VAPB: variants seen among roughly 807,000 people sequenced by gnomAD.
The protein encoded by VAPB is vesicle-associated membrane protein-associated protein B/C.
Under a neutral mutation model 25.6 loss-of-function variants are expected in VAPB, and 7 were observed. That is an observed-to-expected ratio of 0.27 (90% confidence interval 0.16 to 0.51). The LOEUF is 0.51. Ranked by LOEUF, VAPB falls within the 20% of genes least tolerant of loss-of-function variation. The probability of loss-of-function intolerance (pLI) is 0.97; values close to 1 mark genes in which losing one functional copy is unlikely to be tolerated. For missense variants in VAPB, 266 were observed against 301.3 expected (o/e 0.88, Z 0.87); for synonymous variants, 112 against 109.2 (o/e 1.03, Z -0.16).
chr20:58,425,246 G>C (rs953333532), intron 2 of VAPB, among the ~76,000 whole-genome samples: 2 of 152,204 alleles, frequency 1.3e-5, no homozygotes, highest in Non-Finnish European at 2.9e-5. Flanking sequence ...CGGGGAGTGC[G>C]AGACTGAGGG....
chr20:58,404,967 C>T (rs73296813), intron 1 of VAPB, among the ~76,000 whole-genome samples: 15,498 of 151,826 alleles, frequency 0.1, 959 homozygotes, highest in East Asian at 0.26. Flanking sequence ...AAACTTTTAC[C>T]TTGTGGAGCT....
intron 2 of VAPB, among the ~76,000 whole-genome samples, chr20:58,433,416 G>T (rs1988968815): frequency 6.6e-6 from 1 of 152,242 alleles, no homozygotes; most frequent in African/African-American, 2.4e-5. Context: ...GAAGTCCTAA[G>T]TTGGGGTTTC....
rs779899415 is a variant in VAPB, at chr20:58,449,479, T to C, written c.*5244T>C. On this transcript the variant is annotated 3_prime_UTR_variant, in exon 6 of 6. Transcript: ENST00000475243. ...TTAATGGAATTAGTTTATTAGAAAATGTCTGTGTTAAATCCGTAGAAAAGG... is the reference window on the plus strand; with the variant it reads ...TTAATGGAATTAGTTTATTAGAAAACGTCTGTGTTAAATCCGTAGAAAAGG... 1 of 451,076 alleles carries C rather than the reference T, an allele frequency of 2.2e-6. No homozygotes were observed. Among genetic ancestry groups the C allele is most frequent in the South Asian group, 1.6e-5 (1 of 63,372 alleles). The allele number at this position is 451,076 out of a possible 1,614,324, so 27.9% of individuals were successfully genotyped here. A position where few individuals can be genotyped will look rare whatever the true frequency, so the allele number is the denominator to read the frequency against.
At chr20:58,426,198 G>T (rs921091948) in intron 2 of VAPB, among the ~76,000 whole-genome samples, 1 of 152,042 alleles carries the variant, frequency 6.6e-6, no homozygotes, top group African/African-American at 2.4e-5. Context: ...ACCTGGCCTT[G>T]TTTGTTTAGT....
At chr20:58,400,953 C>T (rs1988082380) in intron 1 of VAPB, among the ~76,000 whole-genome samples, 1 of 152,160 alleles carries the variant, frequency 6.6e-6, no homozygotes, top group African/African-American at 2.4e-5. Flanking sequence ...TGAAGGAGAG[C>T]CATGGCTTAC....
intron 1 of VAPB, among the ~76,000 whole-genome samples, chr20:58,395,078 C>T (rs191623833): frequency 1.4e-4 from 21 of 151,374 alleles, no homozygotes; most frequent in African/African-American, 4.1e-4. Context: ...GGTTATCACT[C>T]AAATACTACC....
At position 58,389,267 on chromosome 20, in the gene VAPB, C is replaced by A. The variant is rs1005102864; in HGVS notation, c.-193C>A. On this transcript the variant is annotated 5_prime_UTR_variant, in exon 1 of 6. Transcript: ENST00000475243. ...TCGCCGGGCACCGCGGCCTCGCCCTCGCCCTCCGCCCCTGCGCCTGCACCG... is the reference window on the plus strand; with the variant it reads ...TCGCCGGGCACCGCGGCCTCGCCCTAGCCCTCCGCCCCTGCGCCTGCACCG... 2.9e-6 allele frequency: 2 copies of A among 687,230 alleles called. No homozygotes were observed. The highest frequency in any genetic ancestry group is 7.5e-4 in the Middle Eastern group (2 of 2,662). 42.6% of individuals were successfully genotyped at this position (687,230 alleles called of 1,614,324 possible). A position where few individuals can be genotyped will look rare whatever the true frequency, so the allele number is the denominator to read the frequency against.
chr20:58,418,457 AGAT>A, intron 2 of VAPB, 94 bp downstream of exon 2: 5 of 1,494,858 alleles, frequency 3.3e-6, no homozygotes, highest in Non-Finnish European at 4.5e-6. Context: ...TAGCAGAAGA[AGAT>A]GATAGAATTC....
At chr20:58,393,016 G>A (rs1987846744) in intron 1 of VAPB, among the ~76,000 whole-genome samples, 2 of 152,146 alleles carry the variant, frequency 1.3e-5, no homozygotes, top group African/African-American at 4.8e-5. Context: ...TTTCAGACTA[G>A]GGGTATCTTT....
chr20:58,405,672 TAA>T (rs1199945613), intron 1 of VAPB, among the ~76,000 whole-genome samples: 1 of 145,882 alleles, frequency 6.9e-6, no homozygotes, highest in African/African-American at 2.5e-5. Flanking sequence ...CTTGAACTCC[TAA>T]ACTCCTGAGC....
At position 58,446,271 on chromosome 20, in the gene VAPB, C is replaced by T. The variant is rs1415439677; in HGVS notation, c.*2036C>T. ...CGAGCTGTAAGGCATGTGCCTTCTG[C>T]CACCTGACTTTCCGTGAGGGGACTA... On this transcript the variant is annotated 3_prime_UTR_variant, in exon 6 of 6. Coordinates refer to ENST00000475243, the MANE Select transcript of VAPB (RefSeq NM_004738.5). 8.8e-6 allele frequency: 4 copies of T among 453,952 alleles called. No homozygotes were observed. In the Admixed American group the frequency reaches 9.4e-5, roughly 11 times the overall value. 28.1% of individuals were successfully genotyped at this position (453,952 alleles called of 1,614,324 possible).
At position 58,445,894 on chromosome 20, in the gene VAPB, C is replaced by A; in HGVS notation, c.*1659C>A. 1 of 453,990 alleles carries A rather than the reference C, an allele frequency of 2.2e-6. No individual in the cohort carries two copies. Among genetic ancestry groups the A allele is most frequent in the Non-Finnish European group, 4.4e-6 (1 of 226,766 alleles). 28.1% of individuals were successfully genotyped at this position (453,990 alleles called of 1,614,324 possible). A position where few individuals can be genotyped will look rare whatever the true frequency, so the allele number is the denominator to read the frequency against. On this transcript the variant is annotated 3_prime_UTR_variant, in exon 6 of 6. Coordinates refer to ENST00000475243, the MANE Select transcript of VAPB (RefSeq NM_004738.5). The stretch of plus-strand genomic sequence containing the variant: ...TAGTAACGGGCGTTCTGGGCACAGT[C>A]CCACTGTGCACAGGTTTGAGAGGAC...
intron 2 of VAPB, among the ~76,000 whole-genome samples, chr20:58,429,324 G>A (rs1460283954): frequency 6.6e-6 from 1 of 152,152 alleles, no homozygotes; most frequent in African/African-American, 2.4e-5. Context: ...TCAGTCCTCC[G>A]CTTTTGCAGA....
Position 58,389,504 on chromosome 20 carries a change from G to A in VAPB, c.45G>A (p.Glu15=), listed in dbSNP as rs1987730604. ...EQVLSLEPQH[E]LKFRGPFTDV... is the part of the protein sequence containing the mutation. ...TCCTGAGCCTCGAGCCGCAGCACGA[G>A]CTCAAATTCCGAGGTAAGCCCCAGA... Residue 15 remains glutamate, a synonymous_variant, in exon 1 of 6, where the codon GAG becomes GAA. Transcript: ENST00000475243. 1 of 1,591,970 alleles carries A rather than the reference G, an allele frequency of 6.3e-7. No individual in the cohort carries two copies. Among genetic ancestry groups the A allele is most frequent in the Non-Finnish European group, 8.5e-7 (1 of 1,170,292 alleles).
rs1398045840 is a variant in VAPB at position 58,441,035 on chromosome 20, G to A, written c.525G>A (p.Arg175=). 6.2e-7 allele frequency: 1 copy of A among 1,614,090 alleles called. No homozygotes were observed. Among genetic ancestry groups the A allele is most frequent in the Admixed American group, 1.7e-5 (1 of 60,012 alleles). The change falls in exon 5 of 6, where the codon AGG becomes AGA. Residue 175 remains arginine, a synonymous_variant. Transcript: ENST00000475243. ...EVKKVMEECK[R]LQGEVQRLRE... ...AGAAGGTTATGGAAGAATGTAAGAG[G>A]CTGCAAGGTGAAGTTCAGAGGCTAC...
At chr20:58,399,778 C>T (rs1275870860) in intron 1 of VAPB, among the ~76,000 whole-genome samples, 1 of 151,332 alleles carries the variant, frequency 6.6e-6, no homozygotes, top group Non-Finnish European at 1.5e-5. Context: ...TCTGTCCTAA[C>T]TTGATCACTT....
chr20:58,391,509 A>T (rs1415355749), intron 1 of VAPB, among the ~76,000 whole-genome samples: 2 of 152,136 alleles, frequency 1.3e-5, no homozygotes, highest in South Asian at 2.1e-4. Flanking sequence ...CACTGAGATG[A>T]CTGGGCTCCT....
intron 2 of VAPB, among the ~76,000 whole-genome samples, chr20:58,432,196 C>T (rs756823429): frequency 8.5e-5 from 13 of 152,100 alleles, no homozygotes; most frequent in Non-Finnish European, 1.6e-4. Context: ...GCAGAGCTTC[C>T]TGGGGCTGTT....
At chr20:58,413,926 A>G (rs1988451357) in intron 1 of VAPB, among the ~76,000 whole-genome samples, 1 of 81,604 alleles carries the variant, frequency 1.2e-5, no homozygotes. Context: ...CACCTCCCGG[A>G]TGGGGCGGCT....
Sources: gnomAD v4.1 joint callset for allele counts (sites outside exome capture counted in the v4.1 genomes callset) on GRCh38, gnomAD v4.1.1 for gene constraint, MANE v1.5 for transcripts, NCBI Gene and HGNC (gene_info 2026-07-23, HGNC 2026-07-21) for gene names.